Variants in CNTNAP2 observed in about 807,000 individuals in gnomAD.
CNTNAP2 encodes contactin-associated protein-like 2.
CNTNAP2 carries 98 observed loss-of-function variants against 155.2 expected under a neutral mutation model. That is an observed-to-expected ratio of 0.63 (90% CI 0.54 to 0.75). The LOEUF (loss-of-function observed/expected upper bound fraction) is 0.75. Among genes scored for constraint, CNTNAP2 ranks in the 30% least tolerant of loss-of-function variants. The pLI is 0.00. For synonymous variants in CNTNAP2, 651 were observed against 631.2 expected, an observed-to-expected ratio of 1.03 and a Z score of -0.47; for missense variants, 1,727 against 1,688.1, an observed-to-expected ratio of 1.02 and a Z score of -0.40.
chr7:147,384,258 G>A (rs1796591612), intron 9 of CNTNAP2, among the ~76,000 whole-genome samples: 4 of 152,156 alleles, frequency 2.6e-5, no homozygotes. Context: ...TTTCCTTGAA[G>A]AGTAAAGTAT....
At chr7:147,373,557 G>A (rs1796384438) in intron 9 of CNTNAP2, among the ~76,000 whole-genome samples, 2 of 152,090 alleles carry the variant, frequency 1.3e-5, no homozygotes, top group Admixed American at 1.3e-4. Flanking sequence ...ATATTTATGA[G>A]AACATTGAAA....
At chr7:147,674,585 G>C (rs1012420697) in intron 13 of CNTNAP2, among the ~76,000 whole-genome samples, 1 of 152,082 alleles carries the variant, frequency 6.6e-6, no homozygotes. Flanking sequence ...CCTGAGGCTT[G>C]GAGATATTAG....
intron 16 of CNTNAP2, chr7:148,133,753 C>A (rs17548708): frequency 0.022 from 3,283 of 152,284 alleles, 46 homozygotes; most frequent in Middle Eastern, 0.044. Context: ...TGGGTAGCAG[C>A]TTTGCGGGAG....
chr7:147,569,177 T>G (rs527817150), intron 12 of CNTNAP2, among the ~76,000 whole-genome samples: 1 of 152,212 alleles, frequency 6.6e-6, no homozygotes, highest in Non-Finnish European at 1.5e-5. Flanking sequence ...CGTGTCTTTT[T>G]AATCTAATAT....
chr7:146,183,016 T>A (rs1798571516), intron 1 of CNTNAP2, among the ~76,000 whole-genome samples: 1 of 152,226 alleles, frequency 6.6e-6, no homozygotes, highest in African/African-American at 2.4e-5. Flanking sequence ...CTATTAAAAA[T>A]TCCTTTTAGC....
chr7:148,122,938 C>T (rs897639973), intron 16 of CNTNAP2, among the ~76,000 whole-genome samples: 22 of 151,990 alleles, frequency 1.4e-4, no homozygotes, highest in Non-Finnish European at 2.9e-4. Flanking sequence ...GTTAAGTGGA[C>T]GGGAAGATCC....
intron 8 of CNTNAP2, among the ~76,000 whole-genome samples, chr7:147,274,822 T>G (rs1286098585): frequency 1.3e-5 from 2 of 152,130 alleles, no homozygotes; most frequent in African/African-American, 4.8e-5. Flanking sequence ...CATTCAAGTT[T>G]TTAATCTATC....
In CNTNAP2 at chr7:148,404,423, A is replaced by G. The variant is rs561110502; in HGVS notation, c.3716-4968A>G. On this transcript the variant is annotated intron_variant, in intron 22 of 23. Coordinates refer to ENST00000361727, the MANE Select transcript of CNTNAP2 (RefSeq NM_014141.6). ...CAGACAGAGTGCCATATGGCAGAGA[A>G]AAGGTGTGTCAACTGGAGGCATCAG... Among the ~76,000 whole-genome samples, 16 of 152,356 alleles carry G rather than the reference A, an allele frequency of 1.1e-4. No homozygotes were observed. The South Asian group carries it at 3.3e-3, about 32-fold the overall frequency.
At chr7:146,405,087 A>G (rs969273213) in intron 1 of CNTNAP2, among the ~76,000 whole-genome samples, 1 of 152,164 alleles carries the variant, frequency 6.6e-6, no homozygotes, top group African/African-American at 2.4e-5. Context: ...GGAAGTAAAA[A>G]GGAAATATAT....
At chr7:147,028,071 C>T (rs1453573243) in intron 3 of CNTNAP2, among the ~76,000 whole-genome samples, 1 of 151,994 alleles carries the variant, frequency 6.6e-6, no homozygotes, top group African/African-American at 2.4e-5. Context: ...AATGAGACCT[C>T]GTAGAAGGAG....
chr7:147,370,962 T>C (rs1796329675), intron 9 of CNTNAP2, among the ~76,000 whole-genome samples: 1 of 152,134 alleles, frequency 6.6e-6, no homozygotes, highest in Non-Finnish European at 1.5e-5. Context: ...TAAAATACTA[T>C]TTATATGTTT....
intron 3 of CNTNAP2, among the ~76,000 whole-genome samples, chr7:146,873,751 T>C (rs1394151496): frequency 6.6e-6 from 1 of 152,122 alleles, no homozygotes; most frequent in African/African-American, 2.4e-5. Context: ...GGCCCAAGGA[T>C]ATAATGATTA....
At chr7:147,168,198 G>A (rs1276515560) in intron 8 of CNTNAP2, among the ~76,000 whole-genome samples, 1 of 149,976 alleles carries the variant, frequency 6.7e-6, no homozygotes, top group Non-Finnish European at 1.5e-5. Context: ...ATATATTAAT[G>A]TCTACATTTG....
At chr7:147,833,843 G>C (rs1798592281) in intron 13 of CNTNAP2, among the ~76,000 whole-genome samples, 1 of 152,192 alleles carries the variant, frequency 6.6e-6, no homozygotes, top group South Asian at 2.1e-4. Context: ...CTGTAGGAGA[G>C]ATCATAGAAT....
intron 13 of CNTNAP2, among the ~76,000 whole-genome samples, 171 bp from the exon 14 acceptor site, chr7:147,903,394 G>A (rs919190841): frequency 2.6e-5 from 4 of 152,204 alleles, no homozygotes; most frequent in African/African-American, 9.6e-5. Context: ...TAGATAGACT[G>A]TGAAGATTTT....
intron 15 of CNTNAP2, among the ~76,000 whole-genome samples, chr7:148,038,293 C>T (rs1802607208): frequency 6.6e-6 from 1 of 152,202 alleles, no homozygotes; most frequent in Non-Finnish European, 1.5e-5. Context: ...CCATATCATC[C>T]AGACTGCCTT....
intron 1 of CNTNAP2, among the ~76,000 whole-genome samples, chr7:146,318,445 A>G (rs937451492): frequency 1.3e-5 from 2 of 152,174 alleles, no homozygotes; most frequent in Non-Finnish European, 2.9e-5. Flanking sequence ...AATATACGTC[A>G]CTTAAAAATT....
At chr7:147,554,372 TA>T (rs936053515) in intron 11 of CNTNAP2, among the ~76,000 whole-genome samples, 7 of 150,600 alleles carry the variant, frequency 4.6e-5, no homozygotes, top group East Asian at 1.9e-4. Flanking sequence ...TAGTATGGAT[TA>T]TTTTTTTTTT....
At chr7:148,336,026 A>G (rs4373447) in intron 21 of CNTNAP2, among the ~76,000 whole-genome samples, 77,322 of 151,894 alleles carry the variant, frequency 0.51, 19,898 homozygotes, top group East Asian at 0.66. Context: ...TCCTGCCCCA[A>G]TATCTACATA....
Sources: allele counts gnomAD v4.1 joint callset (sites outside exome capture counted in the v4.1 genomes callset), GRCh38; gene constraint gnomAD v4.1.1; transcripts MANE v1.5; gene names NCBI Gene and HGNC (gene_info 2026-07-23, HGNC 2026-07-21).